The following CSMD1 variants were observed in gnomAD, a reference collection of about 807,000 sequenced individuals.
CSMD1 encodes the protein CUB and Sushi multiple domains 1.
CSMD1 carries 213 observed loss-of-function variants against 417.5 expected under a neutral mutation model. The ratio of observed to expected loss-of-function variants is 0.51; its 90% CI spans 0.46 to 0.57. CSMD1 has a LOEUF of 0.57. Among genes scored for constraint, CSMD1 ranks in the 20% least tolerant of loss-of-function variants. The pLI is 0.00. For missense variants in CSMD1, 6,923 were observed against 4,529.7 expected, an observed-to-expected ratio of 1.53 and a Z score of -15.17; for synonymous variants, 2,862 against 1,736.8, an observed-to-expected ratio of 1.65 and a Z score of -16.11.
intron 3 of CSMD1, among the ~76,000 whole-genome samples, chr8:4,419,260 A>G (rs968873415): frequency 6.6e-6 from 1 of 152,158 alleles, no homozygotes; most frequent in Non-Finnish European, 1.5e-5. Context: ...GCAATTTAAA[A>G]TCTCCATCCA....
At chr8:4,457,391 A>G (rs965664459) in intron 2 of CSMD1, among the ~76,000 whole-genome samples, 2 of 152,146 alleles carry the variant, frequency 1.3e-5, no homozygotes, top group African/African-American at 4.8e-5. Context: ...GGTCTGGAAC[A>G]GGAAGGGAAT....
At chr8:3,647,712 G>A (rs1477038886) in intron 7 of CSMD1, among the ~76,000 whole-genome samples, 3 of 152,144 alleles carry the variant, frequency 2.0e-5, no homozygotes, top group African/African-American at 4.8e-5. Context: ...TTTCTTTGGA[G>A]AAAACAAACG....
intron 3 of CSMD1, among the ~76,000 whole-genome samples, chr8:4,197,352 C>T (rs1440989100): frequency 6.6e-6 from 1 of 152,146 alleles, no homozygotes; most frequent in Non-Finnish European, 1.5e-5. Context: ...GATATTTGGT[C>T]AGACATTATT....
At chr8:3,199,389 G>A (rs1036198178) in intron 33 of CSMD1, among the ~76,000 whole-genome samples, 11 of 151,660 alleles carry the variant, frequency 7.3e-5, no homozygotes, top group African/African-American at 2.4e-4. Flanking sequence ...TTCAAAATAC[G>A]TAATTAGATA....
chr8:4,209,208 C>T (rs759569251), intron 3 of CSMD1, among the ~76,000 whole-genome samples: 1 of 152,022 alleles, frequency 6.6e-6, no homozygotes, highest in African/African-American at 2.4e-5. Context: ...CTCACCTTTT[C>T]AACACTTTTA....
chr8:3,359,118 T>A (rs377583357), intron 21 of CSMD1, 34 bp downstream of exon 21: 2 of 1,605,230 alleles, frequency 1.2e-6, no homozygotes, highest in African/African-American at 1.3e-5. Context: ...CCTGCCCCCA[T>A]GGATGAATGA....
intron 1 of CSMD1, among the ~76,000 whole-genome samples, chr8:4,945,278 C>A (rs377093073): frequency 6.6e-6 from 1 of 152,180 alleles, no homozygotes; most frequent in East Asian, 1.9e-4. Flanking sequence ...TGAATGGGAA[C>A]AGAGTTTTAG....
In CSMD1 at chr8:2,942,475, T is replaced by C; in HGVS notation, c.10532A>G (p.His3511Arg). 1 of 1,612,784 alleles carries C rather than the reference T, an allele frequency of 6.2e-7. No homozygotes were observed. The highest frequency in any genetic ancestry group is 8.5e-7 in the Non-Finnish European group (1 of 1,179,224). ...LSGFAFYLYK[H>R]RTRPKVQYNG... ...ACAGATGGTGTTTCTGCAGTACCTGTGTTTGTAGAGGTAAAATGCAAACCC... is the reference window on the plus strand; with the variant it reads ...ACAGATGGTGTTTCTGCAGTACCTGCGTTTGTAGAGGTAAAATGCAAACCC... The change falls in exon 69 of 70, where the codon CAC becomes CGC. Residue 3511 changes from histidine to arginine, a missense_variant. Coordinates refer to ENST00000635120, the MANE Select transcript of CSMD1 (RefSeq NM_033225.6).
intron 26 of CSMD1, among the ~76,000 whole-genome samples, chr8:3,258,345 C>G (rs1432636020): frequency 6.6e-6 from 1 of 152,100 alleles, no homozygotes; most frequent in Admixed American, 6.6e-5. Flanking sequence ...TGGAAAAAAG[C>G]TCACCATCAC....
chr8:3,665,906 C>T (rs1438915223), intron 7 of CSMD1, among the ~76,000 whole-genome samples: 6 of 152,134 alleles, frequency 3.9e-5, no homozygotes, highest in South Asian at 4.2e-4. Context: ...GAGATGGAGT[C>T]GCACTCTGTC....
intron 1 of CSMD1, among the ~76,000 whole-genome samples, chr8:4,692,735 G>A (rs527536378): frequency 3.3e-4 from 51 of 152,288 alleles, no homozygotes; most frequent in African/African-American, 1.2e-3. Flanking sequence ...GTGCAAATCA[G>A]GATGATCTCA....
At position 4,886,749 on chromosome 8, in the gene CSMD1, C is replaced by G. The variant is rs1803767508; in HGVS notation, c.85+107583G>C. Among the ~76,000 whole-genome samples the G allele has an allele frequency of 4.0e-5, 6 of 151,860 alleles. No individual in the cohort carries two copies. The South Asian group carries it at 1.2e-3, about 32-fold the overall frequency. The stretch of plus-strand genomic sequence containing the variant: ...ACTCGGTGTCTTCTTTCTAGGACTT[C>G]TAAAAAAATTTATTTTACCAGATTT... On this transcript the variant is annotated intron_variant, in intron 1 of 69. Transcript: ENST00000635120.
intron 6 of CSMD1, among the ~76,000 whole-genome samples, chr8:3,747,618 C>T (rs746641836): frequency 1.3e-5 from 2 of 151,846 alleles, no homozygotes; most frequent in Non-Finnish European, 2.9e-5. Flanking sequence ...TTAGGTGATT[C>T]TCAGTGGTTG....
chr8:4,290,352 C>T (rs549764063), intron 3 of CSMD1, among the ~76,000 whole-genome samples: 1 of 152,264 alleles, frequency 6.6e-6, no homozygotes, highest in East Asian at 1.9e-4. Flanking sequence ...TGCTCTATGA[C>T]ATCTGAATGG....
At chr8:4,028,054 C>G (rs1415176142) in intron 4 of CSMD1, among the ~76,000 whole-genome samples, 1 of 151,828 alleles carries the variant, frequency 6.6e-6, no homozygotes, top group Non-Finnish European at 1.5e-5. Context: ...TTTGAGGCCA[C>G]CACTGTTTTG....
chr8:4,251,491 G>A lies in CSMD1; in HGVS notation c.415+168462C>T, dbSNP rs188042243. On this transcript the variant is annotated intron_variant, in intron 3 of 69. Transcript: ENST00000635120. ...AGTGTTGTAGGAGCACATATTAGAA[G>A]ACAAAGGACAAGATAGTTATATCAA... is the stretch of plus-strand genomic sequence containing the variant. Among the ~76,000 whole-genome samples, 3 of 152,238 alleles carry A rather than the reference G, an allele frequency of 2.0e-5. No homozygotes were observed. In the East Asian group the frequency reaches 5.8e-4, roughly 29 times the overall value.
chr8:3,414,133 C>A (rs1284984776), intron 12 of CSMD1, among the ~76,000 whole-genome samples: 2 of 115,478 alleles, frequency 1.7e-5, no homozygotes, highest in East Asian at 2.6e-4. Context: ...AGCGAGACTC[C>A]GTTAAAGAAA....
chr8:3,314,699 A>T (rs749182574), intron 23 of CSMD1, among the ~76,000 whole-genome samples: 22 of 152,328 alleles, frequency 1.4e-4, no homozygotes, highest in Admixed American at 2.6e-4. Flanking sequence ...ACTTCTCCAT[A>T]TATGTTGCAT....
chr8:3,108,727 T>G lies in CSMD1; in HGVS notation c.6630A>C (p.Ser2210=). The part of the protein sequence containing the change: ...IAVWDGPDQN[S]PQLGVFSGNT... ...TGCCACTGAAAACTCCCAGCTGGGG[T>G]GAGTTCTGATCGGGACCGTCCCTAG... The change falls in exon 44 of 70, where the codon TCA becomes TCC. Residue 2210 remains serine (S), a synonymous_variant. Coordinates refer to ENST00000635120, the MANE Select transcript of CSMD1 (RefSeq NM_033225.6). 1 of 1,613,022 alleles carries G rather than the reference T, an allele frequency of 6.2e-7. No individual in the cohort carries two copies. The highest frequency in any genetic ancestry group is 8.5e-7 in the Non-Finnish European group (1 of 1,179,516).
Sources: allele counts gnomAD v4.1 joint callset (sites outside exome capture counted in the v4.1 genomes callset), GRCh38; gene constraint gnomAD v4.1.1; transcripts MANE v1.5; gene names NCBI Gene and HGNC (gene_info 2026-07-23, HGNC 2026-07-21).